Variants in DSCAM observed in about 807,000 individuals in gnomAD.
DSCAM encodes DS cell adhesion molecule.
A neutral mutation model predicts 217.7 loss-of-function variants in DSCAM; 47 were observed. The observed-to-expected ratio is 0.22, with a 90% CI of 0.17 to 0.28. DSCAM has a LOEUF of 0.28. DSCAM is among the 10% of genes least tolerant of loss of function. The pLI is 1.00. For missense variants in DSCAM, 2,080 were observed against 2,618.3 expected (o/e 0.79, Z 4.49); for synonymous variants, 1,056 against 1,015.3 (o/e 1.04, Z -0.76).
At chr21:40,344,768 G>T (rs1039478832) in intron 6 of DSCAM, among the ~76,000 whole-genome samples, 1 of 152,074 alleles carries the variant, frequency 6.6e-6, no homozygotes, top group Non-Finnish European at 1.5e-5. Context: ...GTTTATTTTT[G>T]GAGTTTGCTG....
intron 3 of DSCAM, among the ~76,000 whole-genome samples, chr21:40,394,255 T>G (rs2837613): frequency 0.7 from 106,089 of 152,062 alleles, 37,912 homozygotes; most frequent in African/African-American, 0.85. Context: ...CAGGCATTTT[T>G]CATATTACTT....
intron 3 of DSCAM, among the ~76,000 whole-genome samples, chr21:40,370,385 A>G (rs886322206): frequency 6.6e-6 from 1 of 152,148 alleles, no homozygotes; most frequent in African/African-American, 2.4e-5. Context: ...CACTAGAAAG[A>G]ATGTGATTTT....
At chr21:40,069,087 GAA>G (rs56406042) in intron 27 of DSCAM, among the ~76,000 whole-genome samples, 37 of 124,824 alleles carry the variant, frequency 3.0e-4, no homozygotes, top group East Asian at 2.1e-3. Context: ...CTCTGTCTCA[GAA>G]AAAAAAAAAA....
At position 40,144,552 on chromosome 21, in the gene DSCAM, G is replaced by T; in HGVS notation, c.3198C>A (p.Ala1066=). 6.2e-7 allele frequency: 1 copy of T among 1,614,212 alleles called. No individual in the cohort carries two copies. Among genetic ancestry groups the T allele is most frequent in the Non-Finnish European group, 8.5e-7 (1 of 1,180,042 alleles). The part of the protein sequence containing the change: ...KFTQYGLVVQ[A]CNRAGTGPSS... ...AAGGCCCCGTGCCGGCCCGGTTACA[G>T]GCCTGCACCACCAGGCCGTACTGAG... The change falls in exon 17 of 33, where the codon GCC becomes GCA. Residue 1066 remains alanine (A), a synonymous_variant. Transcript: ENST00000400454. This position sits in a 1 kb window ranked among gnomAD's most constrained non-coding sequence, Gnocchi z 4.8.
intron 6 of DSCAM, among the ~76,000 whole-genome samples, chr21:40,346,972 C>A (rs1300649582): frequency 6.6e-6 from 1 of 152,148 alleles, no homozygotes; most frequent in Admixed American, 6.5e-5. Flanking sequence ...TCCTAGCATA[C>A]ATCTAGTGGA....
At chr21:40,363,021 C>T (rs1042420833) in intron 4 of DSCAM, among the ~76,000 whole-genome samples, 2 of 152,112 alleles carry the variant, frequency 1.3e-5, no homozygotes, top group African/African-American at 2.4e-5. Context: ...GACAAGACCC[C>T]ATTCATGTTT....
chr21:40,798,313 AATC>A (rs1038736041), intron 1 of DSCAM, among the ~76,000 whole-genome samples: 3 of 152,080 alleles, frequency 2.0e-5, no homozygotes, highest in African/African-American at 7.2e-5. Context: ...AGAGAATACA[AATC>A]ATCACAGACA....
At chr21:40,255,936 T>C (rs942617025) in intron 11 of DSCAM, among the ~76,000 whole-genome samples, 1 of 152,176 alleles carries the variant, frequency 6.6e-6, no homozygotes, top group Non-Finnish European at 1.5e-5. Context: ...CGCTCTGACT[T>C]TGGCTTTGTG....
intron 1 of DSCAM, among the ~76,000 whole-genome samples, chr21:40,786,500 A>G (rs900674105): frequency 2.0e-5 from 3 of 152,092 alleles, no homozygotes; most frequent in African/African-American, 7.2e-5. Context: ...GACCTAATCA[A>G]TCAGAATCTT....
intron 1 of DSCAM, among the ~76,000 whole-genome samples, chr21:40,829,507 T>A (rs7283189): frequency 0.35 from 53,376 of 152,056 alleles, 10,082 homozygotes; most frequent in African/African-American, 0.48. Context: ...GCAGATAGGC[T>A]GGGGCTGTAT....
intron 29 of DSCAM, 43 bp downstream of exon 29, chr21:40,055,682 T>G (rs1387841215): frequency 6.7e-7 from 1 of 1,486,452 alleles, no homozygotes; most frequent in East Asian, 2.3e-5. Flanking sequence ...AAGGCATGGC[T>G]GTGGCAGCCA....
chr21:40,495,657 A>G (rs2076112461), intron 3 of DSCAM, among the ~76,000 whole-genome samples: 1 of 152,156 alleles, frequency 6.6e-6, no homozygotes. Flanking sequence ...TTTCTGTTCT[A>G]CTTCTCTGGA....
chr21:40,221,646 T>G lies in DSCAM; in HGVS notation c.2357-32408A>C, dbSNP rs1274871092. Among the ~76,000 whole-genome samples, 4 of 152,268 alleles carry G rather than the reference T, an allele frequency of 2.6e-5. No homozygotes were observed. The East Asian group carries it at 5.8e-4, about 22-fold the overall frequency. ...TAACACTAAAAAATTATTTGCCTTT[T>G]TAGCCAACAGTACAAAAGCAACAGT... On this transcript the variant is annotated intron_variant, in intron 11 of 32. Transcript: ENST00000400454.
intron 20 of DSCAM, among the ~76,000 whole-genome samples, chr21:40,101,326 C>T (rs1475495360): frequency 2.6e-5 from 4 of 152,172 alleles, no homozygotes; most frequent in African/African-American, 9.7e-5. Context: ...AATTGAAAGG[C>T]TCTAAGTGGC....
intron 1 of DSCAM, among the ~76,000 whole-genome samples, chr21:40,841,169 T>C (rs1443359562): frequency 6.6e-6 from 1 of 152,108 alleles, no homozygotes; most frequent in Non-Finnish European, 1.5e-5. Context: ...GGAGCAGATT[T>C]GTGAAACCCA....
chr21:40,406,747 T>C (rs912057201), intron 3 of DSCAM, among the ~76,000 whole-genome samples: 3 of 152,238 alleles, frequency 2.0e-5, no homozygotes, highest in Non-Finnish European at 2.9e-5. Flanking sequence ...TGTGCCACCA[T>C]ACATGCTAAT....
chr21:40,149,659 C>T (rs528288202), intron 16 of DSCAM, among the ~76,000 whole-genome samples: 70 of 147,890 alleles, frequency 4.7e-4, no homozygotes, highest in Admixed American at 2.2e-3. Flanking sequence ...CACCATCCAT[C>T]GCTCCATCAC....
In DSCAM at chr21:40,090,738, T is replaced by C. The variant is rs59816593; in HGVS notation, c.3850+2983A>G. ...TCATTCCCATCCCAGGTGTAAGCGA[T>C]ATCCAGACGCTGACCCGCCTGAATT... On this transcript the variant is annotated intron_variant, in intron 21 of 32. Coordinates refer to ENST00000400454, the MANE Select transcript of DSCAM (RefSeq NM_001389.5). Among the ~76,000 whole-genome samples the C allele has an allele frequency of 4.9e-3, 741 of 152,328 alleles. 7 individuals carry two copies. Among genetic ancestry groups the C allele is most frequent in the African/African-American group, 0.017 (693 of 41,588 alleles).
intron 8 of DSCAM, among the ~76,000 whole-genome samples, chr21:40,318,557 C>T (rs924863590): frequency 2.6e-5 from 4 of 152,144 alleles, no homozygotes; most frequent in East Asian, 1.9e-4. Flanking sequence ...GTACGGTCCT[C>T]GCGCCAACTC....
Sources: allele counts gnomAD v4.1 joint callset (sites outside exome capture counted in the v4.1 genomes callset), GRCh38; gene constraint gnomAD v4.1.1; non-coding constraint Gnocchi (gnomAD v3.1); transcripts MANE v1.5; gene names NCBI Gene and HGNC (gene_info 2026-07-23, HGNC 2026-07-21).